The following TJP3 variants were observed in gnomAD, a reference collection of about 807,000 sequenced individuals.
TJP3 encodes tight junction protein 3.
In TJP3, 85 loss-of-function variants were observed where a neutral mutation model predicts 104.2. The ratio of observed to expected loss-of-function variants is 0.82; its 90% CI spans 0.68 to 0.98. The LOEUF is 0.98. TJP3 is among the 50% of genes least tolerant of loss of function. TJP3 has a pLI of 0.00. For missense variants in TJP3, 1,367 were observed against 1,322.8 expected (o/e 1.03, Z -0.52); for synonymous variants, 550 against 550.6 (o/e 1.00, Z 0.02).
At chr19:3,723,150 G>A (rs1429750676) in intron 1 of TJP3, among the ~76,000 whole-genome samples, 1 of 152,222 alleles carries the variant, frequency 6.6e-6, no homozygotes, top group African/African-American at 2.4e-5. Context: ...TGGGGTCCCA[G>A]GGGCCCATCC....
intron 19 of TJP3, among the ~76,000 whole-genome samples, chr19:3,748,447 T>A (rs943327928): frequency 7.3e-5 from 11 of 151,630 alleles, no homozygotes; most frequent in Non-Finnish European, 1.2e-4. Context: ...AATTTTTGTA[T>A]TTTTAGTAGA....
At chr19:3,750,508 G>A (rs1383611569) in intron 20 of TJP3, 74 bp from the exon 21 acceptor site, 9 of 1,327,674 alleles carry the variant, frequency 6.8e-6, no homozygotes, top group Admixed American at 4.0e-5. Context: ...GCCTAGCACA[G>A]CCAGCCTCAG....
Position 3,730,709 on chromosome 19 carries a change from C to A in TJP3, c.613+3C>A. On this transcript the variant is annotated splice_donor_region_variant and intron_variant, in intron 5 of 20. Coordinates refer to ENST00000541714, the MANE Select transcript of TJP3 (RefSeq NM_001267560.2). This position sits in a 1 kb window ranked among gnomAD's most constrained non-coding sequence, Gnocchi z 7.3. The stretch of plus-strand genomic sequence containing the variant: ...GGTGAAGAGGAGAGACAGCGAAGGT[C>A]AGAAGAGGCGGGAGGTCGGACACGA... 1 of 1,604,240 alleles carries A rather than the reference C, an allele frequency of 6.2e-7. No homozygotes were observed. The highest frequency in any genetic ancestry group is 1.7e-5 in the Admixed American group (1 of 59,936).
chr19:3,727,081 TA>T (rs565948123), intron 1 of TJP3, among the ~76,000 whole-genome samples: 145 of 141,372 alleles, frequency 1.0e-3, no homozygotes, highest in Non-Finnish European at 1.0e-3. Context: ...AGACCCTGTC[TA>T]AAAAAAAAAA....
At chr19:3,717,405 TTATATATATA>T (rs112882829) in intron 1 of TJP3, among the ~76,000 whole-genome samples, 40 of 133,750 alleles carry the variant, frequency 3.0e-4, no homozygotes, top group East Asian at 2.2e-4. Context: ...CAGCCATAGC[TTATATATATA>T]TATATATATA....
At chr19:3,735,226 G>C (rs1172457716) in intron 8 of TJP3, among the ~76,000 whole-genome samples, 1 of 151,908 alleles carries the variant, frequency 6.6e-6, no homozygotes, top group Non-Finnish European at 1.5e-5. Context: ...TGGAGACAAG[G>C]TCTCACTCTG....
intron 7 of TJP3, 85 bp downstream of exon 7, chr19:3,733,997 A>G (rs1305492752): frequency 1.3e-6 from 2 of 1,524,498 alleles, no homozygotes; most frequent in South Asian, 1.2e-5. Context: ...CAAGGAATCA[A>G]TGAGCCTGGT....
chr19:3,713,406 C>T (rs1464266358), intron 1 of TJP3, among the ~76,000 whole-genome samples: 3 of 152,194 alleles, frequency 2.0e-5, no homozygotes, highest in Admixed American at 6.6e-5. Flanking sequence ...TGCAAAAGAC[C>T]TGCCCAGCAC....
rs535340601 is a variant in TJP3, at chr19:3,731,621, G to A, written c.614-314G>A. ...GCACTCCAGCCCCGGCGATAGGAGT[G>A]AGACTCCTTCTCGAAAAAAATTAAA... On this transcript the variant is annotated intron_variant, in intron 5 of 20. Coordinates refer to ENST00000541714, the MANE Select transcript of TJP3 (RefSeq NM_001267560.2). Among the ~76,000 whole-genome samples the A allele has an allele frequency of 2.5e-3, 380 of 152,142 alleles. 1 individual carries two copies. The highest frequency in any genetic ancestry group is 8.9e-3 in the African/African-American group (369 of 41,510).
At chr19:3,737,089 AG>A in intron 11 of TJP3, among the ~76,000 whole-genome samples, 1 of 152,154 alleles carries the variant, frequency 6.6e-6, no homozygotes, top group South Asian at 2.1e-4. Context: ...CATGTTGGCC[AG>A]GCTGGTCTTG....
In TJP3 at chr19:3,746,481, C is replaced by A. The variant is rs113472977; in HGVS notation, c.2011-4C>A. The stretch of plus-strand genomic sequence containing the variant: ...TCACCCCAACGTCCGCCGGCCTGGC[C>A]CAGGACAAGCATGCGCTCCTGGATG... On this transcript the variant is annotated splice_polypyrimidine_tract_variant and splice_region_variant and intron_variant, in intron 16 of 20. Transcript: ENST00000541714. The surrounding 1 kb of genome is among the most constrained non-coding windows in gnomAD (Gnocchi z 4.1). The A allele has an allele frequency of 6.2e-7, 1 of 1,613,746 alleles. No individual in the cohort carries two copies. The highest frequency in any genetic ancestry group is 8.5e-7 in the Non-Finnish European group (1 of 1,179,972).
intron 1 of TJP3, among the ~76,000 whole-genome samples, chr19:3,712,769 C>G (rs571340856): frequency 6.6e-6 from 1 of 151,668 alleles, no homozygotes; most frequent in African/African-American, 2.4e-5. Flanking sequence ...GGCAACATAG[C>G]GAGATACCGT....
chr19:3,745,962 G>C, intron 15 of TJP3, 49 bp from the exon 16 acceptor site: 2 of 1,500,802 alleles, frequency 1.3e-6, no homozygotes, highest in Non-Finnish European at 1.8e-6. Context: ...GAATTTGAGG[G>C]GACGGGGGCT....
intron 1 of TJP3, among the ~76,000 whole-genome samples, chr19:3,718,191 CAAAAAAAAA>C (rs398033736): frequency 4.7e-5 from 2 of 42,266 alleles, no homozygotes; most frequent in African/African-American, 1.8e-4. Context: ...GACTCCAACT[CAAAAAAAAA>C]AAAAAAAAAA....
In TJP3 at chr19:3,740,632, G is replaced by C. The variant is rs779379409; in HGVS notation, c.1712G>C (p.Arg571Pro). ...GPGSSAGSNA[R>P]AEFWRLRGLR... ...GGCTCCTCCGCGGGCTCCAATGCTC[G>C]GGCCGAGTTCTGGCGGCTGCGGGGT... Residue 571 changes from arginine (R) to proline (P), a missense_variant, in exon 14 of 21, where the codon CGG becomes CCG. Arg to Pro is a moderately radical substitution (Grantham distance 103). Coordinates refer to ENST00000541714, the MANE Select transcript of TJP3 (RefSeq NM_001267560.2). 1.2e-5 allele frequency: 19 copies of C among 1,593,952 alleles called. No homozygotes were observed. The highest frequency in any genetic ancestry group is 1.6e-5 in the Non-Finnish European group (19 of 1,171,498).
At chr19:3,731,892 G>A (rs377187150) in intron 5 of TJP3, 43 bp from the exon 6 acceptor site, 158 of 1,561,646 alleles carry the variant, frequency 1.0e-4, no homozygotes, top group African/African-American at 1.6e-4. Flanking sequence ...CCAGGCACCC[G>A]TCTCCAGAGT....
rs757759187 is a variant in TJP3 at position 3,736,148 on chromosome 19, T to C, written c.1128-17T>C. ...CCGCCCACTCTGCTCTGACCCCATC[T>C]CTGCCTCCCCTTGCAGGTACAGCCC... On this transcript the variant is annotated splice_polypyrimidine_tract_variant and intron_variant, in intron 10 of 20. Coordinates refer to ENST00000541714, the MANE Select transcript of TJP3 (RefSeq NM_001267560.2). The C allele has an allele frequency of 1.1e-5, 17 of 1,573,398 alleles. No homozygotes were observed. The highest frequency in any genetic ancestry group is 3.5e-5 in the Admixed American group (2 of 56,436).
chr19:3,734,489 G>A (rs1194405193), intron 8 of TJP3, 54 bp downstream of exon 8: 13 of 1,515,356 alleles, frequency 8.6e-6, no homozygotes, highest in Admixed American at 2.0e-5. Context: ...GGAGGTGGGA[G>A]GGAGAGGGGA....
chr19:3,739,164 A>G lies in TJP3; in HGVS notation c.1631+30A>G, dbSNP rs778958683. The G allele has an allele frequency of 2.0e-6, 3 of 1,486,022 alleles. No homozygotes were observed. In the South Asian group the frequency reaches 4.0e-5, roughly 20 times the overall value. 92.1% of individuals were successfully genotyped at this position (1,486,022 alleles called of 1,614,324 possible). ...GGACTGTGTGCTCCTGCAGTGGGGC[A>G]CTTCTGCTTCAGCCTCAGTCTCCCC... On this transcript the variant is annotated intron_variant, in intron 13 of 20. Coordinates refer to ENST00000541714, the MANE Select transcript of TJP3 (RefSeq NM_001267560.2).
Sources: allele counts gnomAD v4.1 joint callset (sites outside exome capture counted in the v4.1 genomes callset), GRCh38; gene constraint gnomAD v4.1.1; non-coding constraint Gnocchi (gnomAD v3.1); transcripts MANE v1.5; gene names NCBI Gene and HGNC (gene_info 2026-07-23, HGNC 2026-07-21).